Variants in TEKTIP1 observed in about 807,000 individuals in gnomAD.
TEKTIP1 encodes the protein tektin bundle interacting protein 1.
At chr19:3,540,265 GTT>G in the TEKTIP1 span, among the ~76,000 whole-genome samples, 1 of 141,088 alleles carries the variant, frequency 7.1e-6, no homozygotes. Context: ...GCTAATTTTT[GTT>G]TTTTTTTTTG....
At chr19:3,542,559 C>T in the TEKTIP1 span, 49 of 836,230 alleles carry the variant, frequency 5.9e-5, no homozygotes, top group Non-Finnish European at 6.8e-5. Context: ...CTGCAAACTC[C>T]ACTTCCTGGG....
the TEKTIP1 span, chr19:3,539,777 C>G: frequency 6.4e-6 from 1 of 156,062 alleles, no homozygotes; most frequent in Non-Finnish European, 1.4e-5. Context: ...TTAGCTGCAT[C>G]TGCTAAAACC....
the TEKTIP1 span, chr19:3,543,408 C>A: frequency 6.5e-7 from 1 of 1,548,178 alleles, no homozygotes; most frequent in South Asian, 1.2e-5. Flanking sequence ...CCGGCCAGCC[C>A]CTTCCGCGAG....
the TEKTIP1 span, chr19:3,543,210 GTC>G: frequency 3.3e-6 from 5 of 1,537,450 alleles, no homozygotes; most frequent in Non-Finnish European, 3.5e-6. Context: ...CATGGGCTCA[GTC>G]TCTGCCCCCT....
At chr19:3,539,585 G>T in the TEKTIP1 span, 5 of 333,358 alleles carry the variant, frequency 1.5e-5, no homozygotes, top group African/African-American at 6.2e-5. Context: ...TTCTGTGGCT[G>T]AGAGAGTCTG....
chr19:3,541,669 C>A, the TEKTIP1 span: 1 of 985,330 alleles, frequency 1.0e-6, no homozygotes. Flanking sequence ...AGTGAATGGG[C>A]TCCCGCAAGT....
the TEKTIP1 span, chr19:3,543,492 G>A: frequency 1.4e-4 from 107 of 741,806 alleles, 1 homozygote; most frequent in Admixed American, 1.3e-3. Flanking sequence ...CCCCCCCCCC[G>A]CCCTGGGCAG....
chr19:3,543,486 C>CCCT, the TEKTIP1 span: 1 of 1,518,328 alleles, frequency 6.6e-7, no homozygotes, highest in Non-Finnish European at 8.8e-7. Context: ...GAGTGCCCCC[C>CCCT]CCCCCGCCCT....
the TEKTIP1 span, chr19:3,539,401 C>T: frequency 1.6e-6 from 1 of 610,880 alleles, no homozygotes; most frequent in Admixed American, 2.6e-5. Flanking sequence ...ACGTCCCCTC[C>T]AGCTCTTCCT....
the TEKTIP1 span, chr19:3,542,762 C>T: frequency 3.2e-5 from 43 of 1,355,690 alleles, no homozygotes; most frequent in East Asian, 9.3e-5. Flanking sequence ...GGTTTACAAG[C>T]GTGAGCCACA....
the TEKTIP1 span, chr19:3,542,551 G>GCAAACTCCA: frequency 1.2e-6 from 1 of 854,314 alleles, no homozygotes; most frequent in African/African-American, 1.8e-5. Context: ...TCAGCTTACT[G>GCAAACTCCA]CAAACTCCAC....
the TEKTIP1 span, chr19:3,543,153 A>T: frequency 6.6e-7 from 1 of 1,514,438 alleles, no homozygotes; most frequent in Non-Finnish European, 8.8e-7. Context: ...CCTCTACATC[A>T]TCCACCCTGG....
chr19:3,543,255 A>G, the TEKTIP1 span: 1 of 1,546,068 alleles, frequency 6.5e-7, no homozygotes, highest in African/African-American at 1.4e-5. Flanking sequence ...CTGTCCCTGG[A>G]GGGTTCCCGC....
At chr19:3,539,186 C>A in the TEKTIP1 span, 1 of 1,550,438 alleles carries the variant, frequency 6.4e-7, no homozygotes, top group Non-Finnish European at 8.7e-7. Context: ...ACATGCAAAC[C>A]CTCAGGCAAG....
the TEKTIP1 span, chr19:3,543,825 A>G: frequency 1.3e-6 from 2 of 1,523,016 alleles, no homozygotes; most frequent in Non-Finnish European, 1.8e-6. Context: ...AGTCCCACCT[A>G]CAGTGCTCAA....
chr19:3,540,554 C>A, the TEKTIP1 span, among the ~76,000 whole-genome samples: 149 of 151,798 alleles, frequency 9.8e-4, 1 homozygote, highest in Non-Finnish European at 1.6e-3. Context: ...CCGCGCCTAG[C>A]TGTGAGACCC....
At chr19:3,543,460 C>T in the TEKTIP1 span, 3 of 1,539,782 alleles carry the variant, frequency 1.9e-6, no homozygotes, top group East Asian at 2.5e-5. Flanking sequence ...ACCGTGAGTG[C>T]AGCATGCCAT....
chr19:3,541,027 G>GT, the TEKTIP1 span, among the ~76,000 whole-genome samples: 1 of 150,852 alleles, frequency 6.6e-6, no homozygotes, highest in South Asian at 2.1e-4. Context: ...AAATTAGCTG[G>GT]TTGTGGTGGC....
chr19:3,542,957 C>T, the TEKTIP1 span: 1 of 1,520,954 alleles, frequency 6.6e-7, no homozygotes, highest in Non-Finnish European at 8.9e-7. Flanking sequence ...TCTCCCCTCC[C>T]TCTTCTCCAG....
Sources: gnomAD v4.1 joint callset for allele counts (sites outside exome capture counted in the v4.1 genomes callset) on GRCh38, gnomAD v4.1.1 for gene constraint, MANE v1.5 for transcripts, NCBI Gene and HGNC (gene_info 2026-07-23, HGNC 2026-07-21) for gene names.